Variants in PNPLA6 observed in about 807,000 individuals in gnomAD.
The protein encoded by PNPLA6 is patatin like domain 6, lysophospholipase.
Under a neutral mutation model 153.7 loss-of-function variants are expected in PNPLA6, and 105 were observed. The ratio of observed to expected loss-of-function variants is 0.68; its 90% CI spans 0.58 to 0.80. PNPLA6 has a LOEUF of 0.80. Among genes scored for constraint, PNPLA6 ranks in the 30% least tolerant of loss-of-function variants. The pLI is 0.00. For synonymous variants in PNPLA6, 825 were observed against 822.2 expected (o/e 1.00, Z -0.06); for missense variants, 1,423 against 1,919.3 (o/e 0.74, Z 4.83).
rs1255607443 is a variant in PNPLA6 at position 7,549,969 on chromosome 19, G to A, written c.1671G>A (p.Lys557=). The change falls in exon 14 of 32, where the codon AAG becomes AAA. Residue 557 remains lysine, a synonymous_variant. Coordinates refer to ENST00000600737, the MANE Select transcript of PNPLA6 (RefSeq NM_001166114.2). ...ACGTGTACCAGCGCATGATCGACAA[G>A]GCGGAGGACGTGTGCCTGTTCGTAG... ...CLHVYQRMID[K]AEDVCLFVAQ... is the part of the protein sequence containing the mutation. The A allele has an allele frequency of 3.7e-6, 6 of 1,613,816 alleles. No individual in the cohort carries two copies. The Admixed American group carries it at 8.3e-5, about 22-fold the overall frequency.
chr19:7,554,756 C>T, intron 21 of PNPLA6, 33 bp downstream of exon 21: 1 of 1,607,192 alleles, frequency 6.2e-7, no homozygotes, highest in Non-Finnish European at 8.5e-7. Flanking sequence ...TCTCACCCAC[C>T]TCGGGTCCCG....
Position 7,555,814 on chromosome 19 carries a change from G to T in PNPLA6, c.3093+51G>T. 1.9e-6 allele frequency: 3 copies of T among 1,598,650 alleles called. No homozygotes were observed. The highest frequency in any genetic ancestry group is 2.6e-6 in the Non-Finnish European group (3 of 1,172,550). On this transcript the variant is annotated intron_variant, in intron 24 of 31. Coordinates refer to ENST00000600737, the MANE Select transcript of PNPLA6 (RefSeq NM_001166114.2). The surrounding 1 kb of genome is among the most constrained non-coding windows in gnomAD (Gnocchi z 6.3). ...GCACCCCAGGAGTGCCATAAAACCC[G>T]TGGTTCCAACCTAACCTGATCCCAT...
intron 18 of PNPLA6, among the ~76,000 whole-genome samples, chr19:7,553,570 C>T (rs1198869221): frequency 6.6e-6 from 1 of 152,212 alleles, no homozygotes. Flanking sequence ...ATCTCCCAAG[C>T]ACAGTGAATC....
chr19:7,558,166 G>C (rs1184783451), intron 27 of PNPLA6, among the ~76,000 whole-genome samples: 1 of 152,206 alleles, frequency 6.6e-6, no homozygotes, highest in Admixed American at 6.6e-5. Flanking sequence ...CCACCTTTAT[G>C]GGTGCAGGTG....
At position 7,556,831 on chromosome 19, in the gene PNPLA6, C is replaced by G. The variant is rs1244321224; in HGVS notation, c.3280+107C>G. ...CTGGGACGTTGTTAACACGAGTGAC[C>G]GTCCACCCTGGCCCGATCACCGACC... On this transcript the variant is annotated intron_variant, in intron 26 of 31. Transcript: ENST00000600737. The G allele has an allele frequency of 4.6e-6, 4 of 860,224 alleles. No individual in the cohort carries two copies. The African/African-American group carries it at 6.6e-5, about 14-fold the overall frequency. The allele number at this position is 860,224 out of a possible 1,614,324, so 53.3% of individuals were successfully genotyped here. A position where few individuals can be genotyped will look rare whatever the true frequency, so the allele number is the denominator to read the frequency against.
At chr19:7,551,180 T>A (rs1185376317) in intron 17 of PNPLA6, 73 bp downstream of exon 17, 1 of 216,650 alleles carries the variant, frequency 4.6e-6, no homozygotes, top group Non-Finnish European at 7.7e-6. Context: ...GCCTAGTGTG[T>A]GGGCGGGGCT....
intron 27 of PNPLA6, 60 bp downstream of exon 27, chr19:7,557,344 ACG>A: frequency 9.8e-7 from 1 of 1,023,892 alleles, no homozygotes; most frequent in Non-Finnish European, 1.5e-6. Flanking sequence ...ACACACGCAC[ACG>A]CGTGGGCACA....
intron 13 of PNPLA6, among the ~76,000 whole-genome samples, chr19:7,549,433 G>A (rs1568414968): frequency 6.6e-6 from 1 of 150,688 alleles, no homozygotes; most frequent in Non-Finnish European, 1.5e-5. Flanking sequence ...TGATCCGCCT[G>A]CCTCGGCCTC....
chr19:7,552,209 T>C (rs556540435), intron 18 of PNPLA6, among the ~76,000 whole-genome samples: 3 of 152,312 alleles, frequency 2.0e-5, no homozygotes, highest in African/African-American at 7.2e-5. Flanking sequence ...CCTTCTGAAG[T>C]TACAGCTTGC....
rs1057518107 is a variant in PNPLA6 at position 7,561,046 on chromosome 19, CTT to C, written c.3850_3851del (p.Leu1284GlyfsTer8). The C allele has an allele frequency of 6.2e-7, 1 of 1,613,314 alleles. No homozygotes were observed. Among genetic ancestry groups the C allele is most frequent in the Non-Finnish European group, 8.5e-7 (1 of 1,179,772 alleles). On this transcript the variant is annotated frameshift_variant, in exon 30 of 32. Coordinates refer to ENST00000600737, the MANE Select transcript of PNPLA6 (RefSeq NM_001166114.2). LOFTEE classifies it high-confidence loss of function. ...LAFPSSGFTD[L>X]AEIVSRIEPP... is the part of the protein sequence containing the mutation. ...CCTTCCCAAGCTCTGGCTTCACTGA[CTT>C]GGCAGAGATTGTGTCCCGGATTGAG...
intron 28 of PNPLA6, 80 bp downstream of exon 28, chr19:7,559,231 G>A (rs2146117444): frequency 8.1e-7 from 1 of 1,235,040 alleles, no homozygotes; most frequent in East Asian, 2.3e-5. Flanking sequence ...GTGGTATGAG[G>A]GGGAGGAATC....
chr19:7,554,127 G>C (rs1166062732), intron 19 of PNPLA6, 82 bp from the exon 20 acceptor site: 8 of 1,569,202 alleles, frequency 5.1e-6, no homozygotes, highest in African/African-American at 2.7e-5. Flanking sequence ...CCACAGGGGC[G>C]GGGTAATGGG....
At chr19:7,549,612 C>T (rs899520338) in intron 13 of PNPLA6, 1 of 453,022 alleles carries the variant, frequency 2.2e-6, no homozygotes, top group Non-Finnish European at 4.1e-6. Flanking sequence ...CCTCAGCTTC[C>T]TGAGTAGCTG....
At position 7,541,389 on chromosome 19, in the gene PNPLA6, G is replaced by A. The variant is rs2023132931; in HGVS notation, c.960G>A (p.Leu320=). 1 of 1,614,000 alleles carries A rather than the reference G, an allele frequency of 6.2e-7. No individual in the cohort carries two copies. Among genetic ancestry groups the A allele is most frequent in the Non-Finnish European group, 8.5e-7 (1 of 1,179,922 alleles). ...IMVRLQRVTF[L]ALHNYLGLTN... is the part of the protein sequence containing the mutation. ...TGCGGCTGCAGCGAGTCACCTTCCT[G>A]GCACTGCACAACTACCTGGGTCTGA... Residue 320 remains leucine (L), a synonymous_variant, in exon 8 of 32, where the codon CTG becomes CTA. Coordinates refer to ENST00000600737, the MANE Select transcript of PNPLA6 (RefSeq NM_001166114.2). This position sits in a 1 kb window ranked among gnomAD's most constrained non-coding sequence, Gnocchi z 5.2.
rs933213977 is a variant in PNPLA6, at chr19:7,554,474, C to T, written c.2466-81C>T. 24 of 1,525,916 alleles carry T rather than the reference C, an allele frequency of 1.6e-5. No homozygotes were observed. The African/African-American group carries it at 3.0e-4, about 19-fold the overall frequency. The allele number at this position is 1,525,916 out of a possible 1,614,324, so 94.5% of individuals were successfully genotyped here. A position where few individuals can be genotyped will look rare whatever the true frequency, so the allele number is the denominator to read the frequency against. The stretch of plus-strand genomic sequence containing the variant: ...GGGGTTTGGGTGTCTAAGTTCCTCC[C>T]AGCAACGGAGCTATGTGGTCTCGGG... On this transcript the variant is annotated intron_variant, in intron 20 of 31. Coordinates refer to ENST00000600737, the MANE Select transcript of PNPLA6 (RefSeq NM_001166114.2).
rs1265732248 is a variant in PNPLA6, at chr19:7,555,340, C to T, written c.2909C>T (p.Ala970Val). The T allele has an allele frequency of 6.4e-7, 1 of 1,565,422 alleles. No individual in the cohort carries two copies. The highest frequency in any genetic ancestry group is 8.7e-7 in the Non-Finnish European group (1 of 1,154,534). ...AGGGTGCTCACGGGGAACACCATTGCCCTTGTGCTAGGCGGGGGCGGGGCC... is the reference window on the plus strand; with the variant it reads ...AGGGTGCTCACGGGGAACACCATTGTCCTTGTGCTAGGCGGGGGCGGGGCC... ...LARVLTGNTI[A>V]LVLGGGGARG... is the part of the protein sequence containing the mutation. Residue 970 changes from alanine to valine, a missense_variant, in exon 23 of 32, where the codon GCC becomes GTC. Ala to Val is a moderately conservative substitution (Grantham distance 64). Around this residue, in one of 10 missense-constraint regions of PNPLA6, gnomAD observed 643 missense variants for 835.2 expected, o/e 0.77. Coordinates refer to ENST00000600737, the MANE Select transcript of PNPLA6 (RefSeq NM_001166114.2). This position sits in a 1 kb window ranked among gnomAD's most constrained non-coding sequence, Gnocchi z 6.3.
chr19:7,539,793 G>C (rs2023042104), intron 3 of PNPLA6, 125 bp from the exon 4 acceptor site: 3 of 564,152 alleles, frequency 5.3e-6, no homozygotes, highest in Non-Finnish European at 9.4e-6. Context: ...TGGCCAGCCT[G>C]ATTTGGCCAG....
Position 7,551,390 on chromosome 19 carries a change from G to A in PNPLA6, c.2213G>A (p.Ser738Asn). The part of the protein sequence containing the change: ...QVVTRLIHLL[S>N]QKILGNLQQL... ...GTGACCCGCCTTATCCACCTACTGA[G>A]CCAGAAAATTCTAGGGAATTTGCAG... is the stretch of plus-strand genomic sequence containing the variant. The change falls in exon 18 of 32, where the codon AGC (serine) becomes AAC (asparagine). Residue 738 changes from serine to asparagine, a missense_variant. By Grantham distance (46) the Ser-to-Asn change is conservative (BLOSUM62 1). Around this residue, in one of 10 missense-constraint regions of PNPLA6, gnomAD observed 63 missense variants for 166.2 expected, o/e 0.38. Coordinates refer to ENST00000600737, the MANE Select transcript of PNPLA6 (RefSeq NM_001166114.2). The A allele has an allele frequency of 6.2e-7, 1 of 1,614,064 alleles. No individual in the cohort carries two copies. Among genetic ancestry groups the A allele is most frequent in the East Asian group, 2.2e-5 (1 of 44,870 alleles).
At chr19:7,552,545 C>G (rs1261370406) in intron 18 of PNPLA6, among the ~76,000 whole-genome samples, 1 of 152,014 alleles carries the variant, frequency 6.6e-6, no homozygotes, top group East Asian at 1.9e-4. Flanking sequence ...CACTTGAGGT[C>G]AGGGGTTCGA....
Sources: gnomAD v4.1 joint callset for allele counts (sites outside exome capture counted in the v4.1 genomes callset) on GRCh38, gnomAD v4.1.1 for gene constraint, gnomAD v4.1.1 regional missense constraint, Gnocchi (gnomAD v3.1) non-coding constraint, MANE v1.5 for transcripts, NCBI Gene and HGNC (gene_info 2026-07-23, HGNC 2026-07-21) for gene names.